The following ZNF493 variants were observed in gnomAD, a reference collection of about 807,000 sequenced individuals.
ZNF493 encodes zinc finger protein 493.
A neutral mutation model predicts 12.2 loss-of-function variants in ZNF493; 11 were observed. The ratio of observed to expected loss-of-function variants is 0.90; its 90% CI spans 0.57 to 1.50. The LOEUF (loss-of-function observed/expected upper bound fraction) is 1.50. Among genes scored for constraint, ZNF493 ranks in the 40% most tolerant of loss-of-function variants. The pLI is 0.00. For missense variants in ZNF493, 950 were observed against 906.6 expected (o/e 1.05, Z -0.61); for synonymous variants, 286 against 302.6 (o/e 0.95, Z 0.57).
At chr19:21,420,905 T>TA (rs2030657787) in intron 3 of ZNF493, among the ~76,000 whole-genome samples, 1 of 151,012 alleles carries the variant, frequency 6.6e-6, no homozygotes, top group Non-Finnish European at 1.5e-5. Context: ...GCAGGCACCA[T>TA]CACACAGCAA....
At position 21,427,106 on chromosome 19, in the gene ZNF493, ATTAT is replaced by A. The variant is rs1365589169; in HGVS notation, c.*2127_*2130del. ...AGAGATTCTTCTTCATTAGATGGGC[ATTAT>A]TTATGATCTTTTCTATGGATGAGTA... On this transcript the variant is annotated 3_prime_UTR_variant, in exon 4 of 4. Transcript: ENST00000392288. The A allele has an allele frequency of 6.0e-6, 1 of 167,006 alleles. No homozygotes were observed. The highest frequency in any genetic ancestry group is 1.5e-5 in the Non-Finnish European group (1 of 68,106). 10.3% of individuals were successfully genotyped at this position (167,006 alleles called of 1,614,324 possible).
intron 3 of ZNF493, among the ~76,000 whole-genome samples, chr19:21,409,243 T>C (rs914110059): frequency 6.6e-6 from 1 of 152,174 alleles, no homozygotes; most frequent in Non-Finnish European, 1.5e-5. Context: ...TCTAAATGTG[T>C]AGTCATGTAA....
chr19:21,398,189 C>G (rs1172523464), intron 1 of ZNF493: 1 of 152,624 alleles, frequency 6.6e-6, no homozygotes, highest in Non-Finnish European at 1.5e-5. Context: ...CTAAATGCCA[C>G]CTTTTCCTCC....
chr19:21,405,951 T>C (rs1167349319), intron 3 of ZNF493, 95 bp downstream of exon 3: 1 of 935,308 alleles, frequency 1.1e-6, no homozygotes, highest in East Asian at 3.0e-5. Context: ...CCGGGAGCAA[T>C]GGCTCATGCC....
chr19:21,398,593 G>T (rs1135964), intron 1 of ZNF493: 2 of 439,920 alleles, frequency 4.5e-6, no homozygotes, highest in South Asian at 1.7e-5. Flanking sequence ...TCAGCTTCTG[G>T]TTTATTTTCT....
intron 3 of ZNF493, among the ~76,000 whole-genome samples, chr19:21,421,803 T>C (rs576329121): frequency 1.2e-4 from 19 of 152,310 alleles, no homozygotes; most frequent in Admixed American, 7.8e-4. Context: ...TCTTTGAGTG[T>C]GTCTTGTCTG....
chr19:21,415,278 C>T (rs958001197), intron 3 of ZNF493, among the ~76,000 whole-genome samples: 9 of 152,118 alleles, frequency 5.9e-5, no homozygotes, highest in Non-Finnish European at 1.0e-4. Context: ...CCTCAGCCTC[C>T]TTTGTTAATT....
chr19:21,425,106 T>C lies in ZNF493; in HGVS notation c.*122T>C, dbSNP rs989360863. 2 of 1,175,892 alleles carry C rather than the reference T, an allele frequency of 1.7e-6. No homozygotes were observed. The highest frequency in any genetic ancestry group is 2.5e-6 in the Non-Finnish European group (2 of 793,786). The allele number at this position is 1,175,892 out of a possible 1,614,324, so 72.8% of individuals were successfully genotyped here. A position where few individuals can be genotyped will look rare whatever the true frequency, so the allele number is the denominator to read the frequency against. Reference sequence around the variant, plus strand: ...TAATGCTGGAGAGAAACCCTACAAATGTGAAGAATGTGGCAAAGATTTCTA... The same window carrying C: ...TAATGCTGGAGAGAAACCCTACAAACGTGAAGAATGTGGCAAAGATTTCTA... On this transcript the variant is annotated 3_prime_UTR_variant, in exon 4 of 4. Coordinates refer to ENST00000392288, the MANE Select transcript of ZNF493 (RefSeq NM_001076678.3).
intron 3 of ZNF493, among the ~76,000 whole-genome samples, chr19:21,417,906 G>A (rs899116312): frequency 1.3e-5 from 2 of 152,184 alleles, no homozygotes; most frequent in African/African-American, 4.8e-5. Context: ...TATTACAAAA[G>A]GAGAACCTAG....
intron 2 of ZNF493, 91 bp downstream of exon 2, chr19:21,405,346 G>C: frequency 6.5e-7 from 1 of 1,532,004 alleles, no homozygotes; most frequent in Non-Finnish European, 8.7e-7. Flanking sequence ...TTTATGCTTT[G>C]CATAAGTGAG....
intron 3 of ZNF493, chr19:21,413,329 A>G (rs2030384348): frequency 5.1e-6 from 2 of 392,010 alleles, no homozygotes; most frequent in East Asian, 3.7e-5. Context: ...ACCAGCCAAG[A>G]TAGATAAATA....
rs866484727 is a variant in ZNF493, at chr19:21,424,906, T to A, written c.2247T>A (p.Ala749=). The A allele has an allele frequency of 1.2e-6, 2 of 1,612,888 alleles. No individual in the cohort carries two copies. The highest frequency in any genetic ancestry group is 3.3e-4 in the Middle Eastern group (2 of 6,052). The change falls in exon 4 of 4, where the codon GCT becomes GCA. Residue 749 remains alanine, a synonymous_variant. Coordinates refer to ENST00000392288, the MANE Select transcript of ZNF493 (RefSeq NM_001076678.3). ...ACAAATGTGAAGCATGTGGCAAAGC[T>A]TTTAGGCGGTCTTCACATCTTAGTA... ...KPYKCEACGK[A]FRRSSHLSRH...
At chr19:21,418,705 G>T (rs546179164) in intron 3 of ZNF493, among the ~76,000 whole-genome samples, 5 of 152,342 alleles carry the variant, frequency 3.3e-5, no homozygotes, top group Middle Eastern at 3.4e-3. Context: ...CCAGTCATTA[G>T]CACTGTTTCT....
chr19:21,404,104 A>T (rs1375599865), intron 1 of ZNF493, among the ~76,000 whole-genome samples: 2 of 152,220 alleles, frequency 1.3e-5, no homozygotes, highest in African/African-American at 4.8e-5. Flanking sequence ...TTATTTAAAC[A>T]GGATGGTGTT....
intron 1 of ZNF493, among the ~76,000 whole-genome samples, chr19:21,399,268 C>G (rs897617615): frequency 6.6e-6 from 1 of 152,146 alleles, no homozygotes; most frequent in Non-Finnish European, 1.5e-5. Flanking sequence ...TCCCGCCATT[C>G]TCCTGCCTCA....
chr19:21,427,105 C>G lies in ZNF493; in HGVS notation c.*2121C>G, dbSNP rs2030874214. On this transcript the variant is annotated 3_prime_UTR_variant, in exon 4 of 4. Coordinates refer to ENST00000392288, the MANE Select transcript of ZNF493 (RefSeq NM_001076678.3). ...GAGAGATTCTTCTTCATTAGATGGG[C>G]ATTATTTATGATCTTTTCTATGGAT... 6.0e-6 allele frequency: 1 copy of G among 166,822 alleles called. No individual in the cohort carries two copies. The highest frequency in any genetic ancestry group is 6.6e-5 in the Admixed American group (1 of 15,260). 10.3% of individuals were successfully genotyped at this position (166,822 alleles called of 1,614,324 possible).
intron 3 of ZNF493, chr19:21,407,689 C>T (rs1243467010): frequency 8.2e-6 from 8 of 969,860 alleles, no homozygotes; most frequent in Non-Finnish European, 9.8e-6. Flanking sequence ...TGTTAATTTA[C>T]TGACTGTATT....
intron 3 of ZNF493, among the ~76,000 whole-genome samples, chr19:21,420,037 C>T (rs994431124): frequency 6.6e-6 from 1 of 152,110 alleles, no homozygotes; most frequent in Non-Finnish European, 1.5e-5. Context: ...TAGCTTTGCC[C>T]CTAGAGTTTT....
At chr19:21,404,460 G>A (rs2030049073) in intron 1 of ZNF493, among the ~76,000 whole-genome samples, 1 of 152,142 alleles carries the variant, frequency 6.6e-6, no homozygotes, top group Admixed American at 6.6e-5. Flanking sequence ...GTATCTTTAT[G>A]TAGCTAAGGA....
Sources: gnomAD v4.1 joint callset for allele counts (sites outside exome capture counted in the v4.1 genomes callset) on GRCh38, gnomAD v4.1.1 for gene constraint, MANE v1.5 for transcripts, NCBI Gene and HGNC (gene_info 2026-07-23, HGNC 2026-07-21) for gene names.